The following IQGAP2 variants were observed in gnomAD, a reference collection of about 807,000 sequenced individuals.
The protein encoded by IQGAP2 is ras GTPase-activating-like protein IQGAP2.
Under a neutral mutation model 201.3 loss-of-function variants are expected in IQGAP2, and 173 were observed. The observed-to-expected ratio is 0.86, with a 90% CI of 0.76 to 0.98. IQGAP2 has a LOEUF of 0.98. Among genes scored for constraint, IQGAP2 ranks in the 50% least tolerant of loss-of-function variants. IQGAP2 has a pLI of 0.00. For missense variants in IQGAP2, 1,687 were observed against 1,864.8 expected (o/e 0.90, Z 1.76); for synonymous variants, 675 against 673.9 (o/e 1.00, Z -0.03).
intron 13 of IQGAP2, among the ~76,000 whole-genome samples, chr5:76,626,565 C>A (rs972292361): frequency 1.2e-4 from 18 of 152,092 alleles, no homozygotes; most frequent in Admixed American, 6.5e-5. Flanking sequence ...GCCACCATGC[C>A]CAGCTATATG....
intron 11 of IQGAP2, among the ~76,000 whole-genome samples, chr5:76,603,764 T>C (rs1290105123): frequency 6.6e-6 from 1 of 152,204 alleles, no homozygotes; most frequent in Non-Finnish European, 1.5e-5. Flanking sequence ...ATTGGATTAC[T>C]GATCTTCTCA....
chr5:76,625,691 C>T (rs1300975699), intron 13 of IQGAP2, among the ~76,000 whole-genome samples: 1 of 152,186 alleles, frequency 6.6e-6, no homozygotes. Context: ...CATTATCTCA[C>T]GTTAACCTCT....
rs145397821 is a variant in IQGAP2, at chr5:76,434,630, A to G, written c.47-26940A>G. Among the ~76,000 whole-genome samples, 776 of 152,188 alleles carry G rather than the reference A, an allele frequency of 5.1e-3. 11 individuals are homozygous for G. The highest frequency in any genetic ancestry group is 0.017 in the African/African-American group (715 of 41,546). On this transcript the variant is annotated intron_variant, in intron 1 of 35. Transcript: ENST00000274364. The stretch of plus-strand genomic sequence containing the variant: ...CTTAGATTGGTCCCATATCTTTGCA[A>G]TTGTGAATTGTGAAAAAGACACCTG...
chr5:76,601,284 G>A (rs764381463), intron 11 of IQGAP2, among the ~76,000 whole-genome samples: 2 of 152,312 alleles, frequency 1.3e-5, no homozygotes, highest in Non-Finnish European at 2.9e-5. Context: ...TTTGGAAACC[G>A]CAGAATGTAG....
rs112712617 is a variant in IQGAP2 at position 76,596,643 on chromosome 5, G to C, written c.908-796G>C. ...AGGAAACTTACGATCATGGCAGAAG[G>C]TGATGGGGAAGCCAGGCACATCTTC... On this transcript the variant is annotated intron_variant, in intron 9 of 35. Transcript: ENST00000274364. Among the ~76,000 whole-genome samples the C allele has an allele frequency of 5.2e-3, 793 of 152,270 alleles. 4 individuals are homozygous for C. The highest frequency in any genetic ancestry group is 0.015 in the East Asian group (80 of 5,178).
intron 16 of IQGAP2, among the ~76,000 whole-genome samples, chr5:76,639,372 G>A (rs914945342): frequency 6.6e-6 from 1 of 152,138 alleles, no homozygotes; most frequent in African/African-American, 2.4e-5. Context: ...GTTATATCAT[G>A]TGCCCATTGC....
intron 1 of IQGAP2, among the ~76,000 whole-genome samples, chr5:76,436,400 C>T (rs947223675): frequency 1.4e-5 from 2 of 138,148 alleles, no homozygotes; most frequent in Non-Finnish European, 3.0e-5. Flanking sequence ...CCTTCTATGC[C>T]TGATTTGTTG....
intron 23 of IQGAP2, among the ~76,000 whole-genome samples, chr5:76,669,953 G>T (rs770669490): frequency 2.6e-5 from 4 of 152,146 alleles, no homozygotes; most frequent in Admixed American, 6.5e-5. Flanking sequence ...CTCCTGAGTA[G>T]CTGGGACTAC....
In IQGAP2 at chr5:76,511,847, A is replaced by AT. The variant is rs371711034; in HGVS notation, c.146+50184dup. 4.0e-5 allele frequency among the ~76,000 whole-genome samples: 6 copies of AT among 151,826 alleles called. No individual in the cohort carries two copies. The South Asian group carries it at 1.3e-3, about 32-fold the overall frequency. On this transcript the variant is annotated intron_variant, in intron 2 of 35. Transcript: ENST00000274364. ...AGGCGCCCGCCACTACGCCCGGCTA[A>AT]TTTTTTGTATTTTTAGTAGAGACGG... is the stretch of plus-strand genomic sequence containing the variant.
At chr5:76,465,196 A>G (rs1420093299) in intron 2 of IQGAP2, among the ~76,000 whole-genome samples, 2 of 152,216 alleles carry the variant, frequency 1.3e-5, no homozygotes, top group African/African-American at 2.4e-5. Context: ...ATCCAGCAAC[A>G]TATAAAATAT....
intron 1 of IQGAP2, among the ~76,000 whole-genome samples, chr5:76,435,059 T>TTTTG (rs60487360): frequency 5.3e-5 from 8 of 151,302 alleles, no homozygotes; most frequent in African/African-American, 2.0e-4. Flanking sequence ...CTTTTTTTTT[T>TTTTG]CTTTTTTTTT....
intron 20 of IQGAP2, among the ~76,000 whole-genome samples, chr5:76,655,225 T>C (rs1482612347): frequency 6.6e-6 from 1 of 151,936 alleles, no homozygotes; most frequent in Non-Finnish European, 1.5e-5. Flanking sequence ...ATCAGCCACA[T>C]GGTATAATTT....
At chr5:76,695,352 G>A in intron 31 of IQGAP2, 102 bp from the exon 32 acceptor site, 1 of 927,026 alleles carries the variant, frequency 1.1e-6, no homozygotes, top group Non-Finnish European at 1.7e-6. Context: ...AACTTTGGCT[G>A]GAGGACTACT....
At chr5:76,418,192 G>T (rs1193827262) in intron 1 of IQGAP2, among the ~76,000 whole-genome samples, 1 of 129,462 alleles carries the variant, frequency 7.7e-6, no homozygotes, top group Non-Finnish European at 1.6e-5. Context: ...GGGTGACAGA[G>T]AGAGACTCCG....
intron 1 of IQGAP2, among the ~76,000 whole-genome samples, chr5:76,451,732 C>T (rs545519352): frequency 4.7e-4 from 71 of 152,212 alleles, no homozygotes; most frequent in African/African-American, 1.7e-3. Context: ...TTTTCTGCAA[C>T]TGAACATTAA....
At chr5:76,582,783 A>AACTACTACTACTACT (rs35811029) in intron 5 of IQGAP2, among the ~76,000 whole-genome samples, 3 of 151,832 alleles carry the variant, frequency 2.0e-5, no homozygotes, top group East Asian at 3.9e-4. Context: ...AGTAGATAAC[A>AACTACTACTACTACT]ACTACTACTA....
chr5:76,567,261 A>T (rs1011582921), intron 3 of IQGAP2, among the ~76,000 whole-genome samples: 2 of 152,186 alleles, frequency 1.3e-5, no homozygotes, highest in African/African-American at 2.4e-5. Flanking sequence ...GTGTTCCAAA[A>T]TTCAAAACTT....
intron 2 of IQGAP2, among the ~76,000 whole-genome samples, chr5:76,529,099 T>C (rs1759134580): frequency 6.6e-6 from 1 of 152,054 alleles, no homozygotes; most frequent in Non-Finnish European, 1.5e-5. Context: ...GGGAGATTAG[T>C]TTTGAGGGAG....
intron 1 of IQGAP2, among the ~76,000 whole-genome samples, chr5:76,430,149 T>C (rs1349667011): frequency 2.6e-5 from 4 of 152,192 alleles, no homozygotes; most frequent in Non-Finnish European, 4.4e-5. Flanking sequence ...TTCAGTTACA[T>C]AGCGCTCTGT....
Sources: gnomAD v4.1 joint callset for allele counts (sites outside exome capture counted in the v4.1 genomes callset) on GRCh38, gnomAD v4.1.1 for gene constraint, MANE v1.5 for transcripts, NCBI Gene and HGNC (gene_info 2026-07-23, HGNC 2026-07-21) for gene names.